COL26A1: variants seen among roughly 807,000 people sequenced by gnomAD.
The protein encoded by COL26A1 is collagen type XXVI alpha 1 chain, also known as collagen alpha-1(XXVI) chain.
In COL26A1, 41 loss-of-function variants were observed where a neutral mutation model predicts 59.3. The observed-to-expected ratio is 0.69, with a 90% confidence interval of 0.54 to 0.90. The LOEUF (loss-of-function observed/expected upper bound fraction) is 0.90, where lower values mean the gene tolerates loss of function less well. COL26A1 is among the 40% of genes least tolerant of loss of function. The probability of loss-of-function intolerance (pLI) is 0.00; values close to 1 mark genes in which losing one functional copy is unlikely to be tolerated. For missense variants in COL26A1, 612 were observed against 602.3 expected (o/e 1.02, Z -0.17); for synonymous variants, 266 against 256.0 (o/e 1.04, Z -0.37).
At chr7:101,472,937 T>C (rs1008064) in intron 3 of COL26A1, among the ~76,000 whole-genome samples, 97,384 of 152,034 alleles carry the variant, frequency 0.64, 33,487 homozygotes, top group African/African-American at 0.91. Flanking sequence ...CCCTGAGCCT[T>C]GCTGTGCCTT....
chr7:101,542,070 G>T (rs912760607), intron 5 of COL26A1, among the ~76,000 whole-genome samples: 1 of 151,960 alleles, frequency 6.6e-6, no homozygotes, highest in African/African-American at 2.4e-5. Context: ...GGGCTCAAGG[G>T]ATTCCCCTGC....
chr7:101,545,280 G>A (rs1267824643), intron 6 of COL26A1, 58 bp from the exon 7 acceptor site: 1 of 1,484,730 alleles, frequency 6.7e-7, no homozygotes, highest in Non-Finnish European at 9.0e-7. Context: ...CCATTTGTAA[G>A]TTGCAGCCAC....
At chr7:101,371,055 G>A (rs189845473) in intron 1 of COL26A1, among the ~76,000 whole-genome samples, 18 of 152,256 alleles carry the variant, frequency 1.2e-4, no homozygotes, top group South Asian at 2.1e-4. Flanking sequence ...TTGGGCAAGC[G>A]TGCATGAGCT....
intron 3 of COL26A1, among the ~76,000 whole-genome samples, chr7:101,459,145 C>T (rs1288468483): frequency 6.6e-6 from 1 of 151,914 alleles, no homozygotes; most frequent in African/African-American, 2.4e-5. Context: ...TAATTAGGTG[C>T]CCTTTACTCT....
At chr7:101,489,656 T>TCTTC (rs1491406112) in intron 3 of COL26A1, among the ~76,000 whole-genome samples, 1 of 67,436 alleles carries the variant, frequency 1.5e-5, no homozygotes, top group Non-Finnish European at 2.6e-5. Context: ...TTTCTTTCTT[T>TCTTC]CTTTCTTCCT....
chr7:101,468,081 T>A (rs945201607), intron 3 of COL26A1, among the ~76,000 whole-genome samples: 1 of 152,018 alleles, frequency 6.6e-6, no homozygotes, highest in Non-Finnish European at 1.5e-5. Flanking sequence ...GTCTGGTAGA[T>A]GGCTTGAGGT....
chr7:101,480,672 G>C (rs999796862), intron 3 of COL26A1, among the ~76,000 whole-genome samples: 2 of 151,852 alleles, frequency 1.3e-5, no homozygotes, highest in Non-Finnish European at 2.9e-5. Context: ...AGCTTTTTGG[G>C]GGGTATTTTT....
At chr7:101,485,534 CT>C (rs1490762778) in intron 3 of COL26A1, among the ~76,000 whole-genome samples, 1 of 152,212 alleles carries the variant, frequency 6.6e-6, no homozygotes, top group African/African-American at 2.4e-5. Flanking sequence ...TCGCTTCCTT[CT>C]CTGTGCCCCC....
chr7:101,389,086 T>C (rs551592862), intron 1 of COL26A1: 56 of 194,602 alleles, frequency 2.9e-4, no homozygotes, highest in East Asian at 2.0e-3. Flanking sequence ...TTCCTCAGTA[T>C]CCGTCTTAAC....
chr7:101,547,165 C>T lies in COL26A1; in HGVS notation c.866C>T (p.Ser289Leu). ...QPPTDKDNGD[S>L]RLASAIVDTV... is the part of the protein sequence containing the mutation. ...TCCGCTCTTCCCACAGATGGAGACTCAAGGCTGGCCTCTGCCATCGTGGAC... is the reference window on the plus strand; with the variant it reads ...TCCGCTCTTCCCACAGATGGAGACTTAAGGCTGGCCTCTGCCATCGTGGAC... The change falls in exon 8 of 13, where the codon TCA (serine) becomes TTA (leucine). Residue 289 changes from serine to leucine, a missense_variant. Physicochemically the swap from Ser to Leu is moderately radical, Grantham distance 145 (BLOSUM62 -2). Coordinates refer to ENST00000313669, the MANE Select transcript of COL26A1 (RefSeq NM_001278563.3). 6.3e-7 allele frequency: 1 copy of T among 1,595,220 alleles called. No individual in the cohort carries two copies. The highest frequency in any genetic ancestry group is 2.3e-5 in the East Asian group (1 of 43,770).
intron 7 of COL26A1, 128 bp from the exon 8 acceptor site, chr7:101,547,028 C>A: frequency 1.6e-6 from 1 of 611,564 alleles, no homozygotes; most frequent in Non-Finnish European, 2.9e-6. Flanking sequence ...TGCAGCGGGC[C>A]CCAGGGTGAT....
chr7:101,520,933 T>C (rs550638973), intron 3 of COL26A1, among the ~76,000 whole-genome samples: 6 of 152,324 alleles, frequency 3.9e-5, no homozygotes, highest in African/African-American at 1.4e-4. Flanking sequence ...TAAACTTCTG[T>C]TCTTTATAAA....
intron 3 of COL26A1, among the ~76,000 whole-genome samples, chr7:101,486,825 GA>G (rs1330080924): frequency 6.6e-6 from 1 of 152,216 alleles, no homozygotes; most frequent in Non-Finnish European, 1.5e-5. Flanking sequence ...AAACGTAATG[GA>G]TTCCAGGATG....
At chr7:101,479,174 T>C (rs1400241003) in intron 3 of COL26A1, among the ~76,000 whole-genome samples, 2 of 152,212 alleles carry the variant, frequency 1.3e-5, no homozygotes, top group Non-Finnish European at 2.9e-5. Context: ...AGTGTTCCAA[T>C]TTCCACTTCA....
chr7:101,434,877 G>A (rs953905418), intron 2 of COL26A1, among the ~76,000 whole-genome samples: 5 of 146,678 alleles, frequency 3.4e-5, no homozygotes, highest in African/African-American at 1.0e-4. Flanking sequence ...TCCTCTCCTC[G>A]TGTGTACAGG....
intron 3 of COL26A1, among the ~76,000 whole-genome samples, chr7:101,465,038 T>C (rs557792129): frequency 2.6e-4 from 39 of 147,878 alleles, no homozygotes; most frequent in East Asian, 7.8e-4. Context: ...TTCTTTCTTT[T>C]TTTTTTTTTT....
intron 2 of COL26A1, among the ~76,000 whole-genome samples, chr7:101,435,123 G>A (rs1017202483): frequency 2.6e-5 from 4 of 152,118 alleles, no homozygotes; most frequent in Non-Finnish European, 5.9e-5. Context: ...TCAGGAGTTC[G>A]AGACCAGCCT....
chr7:101,536,295 T>C (rs1426863961), intron 4 of COL26A1, among the ~76,000 whole-genome samples: 3 of 152,258 alleles, frequency 2.0e-5, no homozygotes, highest in Non-Finnish European at 4.4e-5. Flanking sequence ...ACTACAGGCA[T>C]GAGCCACTGT....
chr7:101,435,598 G>T (rs1365056348), intron 2 of COL26A1, among the ~76,000 whole-genome samples: 2 of 152,122 alleles, frequency 1.3e-5, no homozygotes, highest in Non-Finnish European at 2.9e-5. Context: ...GGGACGTTGG[G>T]CGTCACGGAC....
Sources: gnomAD v4.1 joint callset for allele counts (sites outside exome capture counted in the v4.1 genomes callset) on GRCh38, gnomAD v4.1.1 for gene constraint, MANE v1.5 for transcripts, NCBI Gene and HGNC (gene_info 2026-07-23, HGNC 2026-07-21) for gene names.